The following PDCD6IP variants were observed in gnomAD, a reference collection of about 807,000 sequenced individuals.
PDCD6IP encodes programmed cell death 6 interacting protein.
A neutral mutation model predicts 103.7 loss-of-function variants in PDCD6IP; 43 were observed. The ratio of observed to expected loss-of-function variants is 0.41; its 90% CI spans 0.32 to 0.53. The LOEUF (loss-of-function observed/expected upper bound fraction) is 0.53, where lower values mean the gene tolerates loss of function less well. PDCD6IP is among the 20% of genes least tolerant of loss of function. PDCD6IP has a pLI of 0.16. For missense variants in PDCD6IP, 871 were observed against 1,036.7 expected (o/e 0.84, Z 2.20); for synonymous variants, 354 against 378.7 (o/e 0.93, Z 0.76).
rs545729552 is a variant in PDCD6IP, at chr3:33,844,624, A to T, written c.1471+401A>T. Among the ~76,000 whole-genome samples the T allele has an allele frequency of 8.5e-5, 13 of 152,110 alleles. No homozygotes were observed. The East Asian group carries it at 2.3e-3, about 27-fold the overall frequency. ...ACCTCCTGAGTAGCTGACACTGTAG[A>T]CATGTGCTACCATGCCCGGCTGATT... On this transcript the variant is annotated intron_variant, in intron 11 of 17. Coordinates refer to ENST00000307296, the MANE Select transcript of PDCD6IP (RefSeq NM_013374.6).
At chr3:33,849,670 A>T (rs1189226779) in intron 12 of PDCD6IP, among the ~76,000 whole-genome samples, 1 of 152,242 alleles carries the variant, frequency 6.6e-6, no homozygotes, top group Admixed American at 6.5e-5. Context: ...ATAACATGTT[A>T]AACCTCAAAT....
chr3:33,837,520 C>T (rs1437556873), intron 8 of PDCD6IP, among the ~76,000 whole-genome samples: 1 of 152,012 alleles, frequency 6.6e-6, no homozygotes, highest in African/African-American at 2.4e-5. Context: ...TAAGTAATTT[C>T]CTCAAGGTCA....
At chr3:33,835,346 G>T (rs1697323619) in intron 7 of PDCD6IP, 1 of 456,080 alleles carries the variant, frequency 2.2e-6, no homozygotes, top group Non-Finnish European at 4.4e-6. Context: ...GTGTTGTGTG[G>T]TTTCCAGACC....
chr3:33,861,436 C>T (rs1247915862), intron 15 of PDCD6IP, among the ~76,000 whole-genome samples: 7 of 152,098 alleles, frequency 4.6e-5, no homozygotes, highest in East Asian at 1.9e-4. Flanking sequence ...CCACCGAGCC[C>T]GGCTTAATAT....
At position 33,855,094 on chromosome 3, in the gene PDCD6IP, C is replaced by T. The variant is rs181987616; in HGVS notation, c.2026-72C>T. The T allele has an allele frequency of 7.1e-5, 63 of 881,284 alleles. No individual in the cohort carries two copies. The Admixed American group carries it at 1.1e-3, about 16-fold the overall frequency. The allele number at this position is 881,284 out of a possible 1,614,324, so 54.6% of individuals were successfully genotyped here. On this transcript the variant is annotated intron_variant, in intron 14 of 17. Coordinates refer to ENST00000307296, the MANE Select transcript of PDCD6IP (RefSeq NM_013374.6). ...GCTCTAACTATCATTGACAAATTAG[C>T]TTTAGATCACATTACTCTCTGGATT...
At chr3:33,818,328 G>A (rs988647638) in intron 3 of PDCD6IP, among the ~76,000 whole-genome samples, 5 of 150,090 alleles carry the variant, frequency 3.3e-5, no homozygotes, top group Non-Finnish European at 5.9e-5. Context: ...GGCTGGTCTC[G>A]AACTCCTGAC....
chr3:33,850,362 C>T (rs1460453707), intron 12 of PDCD6IP, among the ~76,000 whole-genome samples: 2 of 152,032 alleles, frequency 1.3e-5, no homozygotes, highest in East Asian at 1.9e-4. Flanking sequence ...AACTTAATCT[C>T]GTTTTTTGAG....
intron 8 of PDCD6IP, among the ~76,000 whole-genome samples, 164 bp from the exon 9 acceptor site, chr3:33,838,038 CTT>C (rs1461218931): frequency 6.6e-6 from 1 of 152,126 alleles, no homozygotes; most frequent in Non-Finnish European, 1.5e-5. Context: ...TAAAAATTCT[CTT>C]TATCATTGTG....
At chr3:33,825,051 A>G (rs1214600952) in intron 4 of PDCD6IP, 136 bp from the exon 5 acceptor site, 3 of 710,402 alleles carry the variant, frequency 4.2e-6, no homozygotes, top group Non-Finnish European at 7.1e-6. Context: ...GATGTTTTAG[A>G]TTGGTTTTGC....
At chr3:33,853,635 A>G (rs1316727930) in intron 13 of PDCD6IP, among the ~76,000 whole-genome samples, 1 of 152,160 alleles carries the variant, frequency 6.6e-6, no homozygotes, top group African/African-American at 2.4e-5. Flanking sequence ...TACAAGTGTT[A>G]TATACTAATA....
intron 3 of PDCD6IP, among the ~76,000 whole-genome samples, chr3:33,820,167 C>A (rs1271380482): frequency 6.6e-6 from 1 of 152,088 alleles, no homozygotes; most frequent in Admixed American, 6.6e-5. Flanking sequence ...GCCTGTAGTC[C>A]CAGCTACTCA....
rs577941373 is a variant in PDCD6IP at position 33,839,913 on chromosome 3, A to G, written c.1181+1586A>G. ...TTCATATATTTTCTGTAAAGTGTCTATTGAAATCTTTTTCTCAGTTTTTAA... is the reference window on the plus strand; with the variant it reads ...TTCATATATTTTCTGTAAAGTGTCTGTTGAAATCTTTTTCTCAGTTTTTAA... On this transcript the variant is annotated intron_variant, in intron 9 of 17. Transcript: ENST00000307296. 4.6e-5 allele frequency among the ~76,000 whole-genome samples: 7 copies of G among 152,298 alleles called. No individual in the cohort carries two copies. In the South Asian group the frequency reaches 1.0e-3, roughly 23 times the overall value.
At chr3:33,806,205 T>C (rs1020038224) in intron 1 of PDCD6IP, among the ~76,000 whole-genome samples, 1 of 152,214 alleles carries the variant, frequency 6.6e-6, no homozygotes, top group Non-Finnish European at 1.5e-5. Context: ...GGAGAACATA[T>C]ATAAGTACTT....
intron 3 of PDCD6IP, among the ~76,000 whole-genome samples, chr3:33,815,538 C>T (rs576017787): frequency 4.6e-5 from 7 of 152,084 alleles, no homozygotes; most frequent in Middle Eastern, 3.4e-3. Flanking sequence ...GCCTAACTCC[C>T]GGGACTAGAG....
chr3:33,821,401 C>G lies in PDCD6IP; in HGVS notation c.335-554C>G, dbSNP rs1696989534. Among the ~76,000 whole-genome samples the G allele has an allele frequency of 2.6e-5, 4 of 151,990 alleles. No homozygotes were observed. The South Asian group carries it at 8.3e-4, about 32-fold the overall frequency. Reference sequence around the variant, plus strand: ...TTTTCTGTTTGTTTTTTAATAGGAGCTATCCTAAGTGGATGTGAGGTGTGT... The same window carrying G: ...TTTTCTGTTTGTTTTTTAATAGGAGGTATCCTAAGTGGATGTGAGGTGTGT... On this transcript the variant is annotated intron_variant, in intron 3 of 17. Coordinates refer to ENST00000307296, the MANE Select transcript of PDCD6IP (RefSeq NM_013374.6).
intron 3 of PDCD6IP, among the ~76,000 whole-genome samples, chr3:33,819,869 A>G (rs1472677019): frequency 6.6e-6 from 1 of 152,248 alleles, no homozygotes; most frequent in African/African-American, 2.4e-5. Flanking sequence ...AATATACACA[A>G]TATGCCTTCT....
chr3:33,853,929 C>T lies in PDCD6IP; in HGVS notation c.1941C>T (p.Asn647=), dbSNP rs757334776. The T allele has an allele frequency of 5.0e-6, 8 of 1,586,806 alleles. No homozygotes were observed. Among genetic ancestry groups the T allele is most frequent in the Non-Finnish European group, 6.8e-6 (8 of 1,170,998 alleles). The change falls in exon 14 of 18, where the codon AAC becomes AAT. Residue 647 remains asparagine, a synonymous_variant. Transcript: ENST00000307296. ...SKMKQSNNEA[N]LREEVLKNLA... ...TGAAACAATCTAATAATGAAGCTAA[C>T]TTAAGAGAAGAAGTTTTGAAGAATT...
intron 17 of PDCD6IP, 52 bp downstream of exon 17, chr3:33,865,482 C>A (rs540101265): frequency 2.7e-6 from 4 of 1,467,052 alleles, no homozygotes; most frequent in African/African-American, 2.9e-5. Flanking sequence ...TTTCTAGGCT[C>A]TGGCTAACCT....
At chr3:33,846,061 G>A (rs1697584979) in intron 12 of PDCD6IP, among the ~76,000 whole-genome samples, 2 of 152,192 alleles carry the variant, frequency 1.3e-5, no homozygotes, top group South Asian at 4.1e-4. Context: ...ACTGATGACA[G>A]GAAAGAGAAA....
Sources: gnomAD v4.1 joint callset for allele counts (sites outside exome capture counted in the v4.1 genomes callset) on GRCh38, gnomAD v4.1.1 for gene constraint, MANE v1.5 for transcripts, NCBI Gene and HGNC (gene_info 2026-07-23, HGNC 2026-07-21) for gene names.